Variants in ABCF1 observed in about 807,000 individuals in gnomAD.
The protein encoded by ABCF1 is ATP-binding cassette sub-family F member 1.
A neutral mutation model predicts 126.3 loss-of-function variants in ABCF1; 73 were observed. The ratio of observed to expected loss-of-function variants is 0.58; its 90% CI spans 0.48 to 0.70. ABCF1 has a LOEUF of 0.70. Among genes scored for constraint, ABCF1 ranks in the 30% least tolerant of loss-of-function variants. ABCF1 has a pLI of 0.00. For missense variants in ABCF1, 786 were observed against 1,057.5 expected (o/e 0.74, Z 3.56); for synonymous variants, 345 against 396.4 (o/e 0.87, Z 1.54).
intron 8 of ABCF1, among the ~76,000 whole-genome samples, chr6:30,581,277 C>T (rs911625115): frequency 6.6e-6 from 1 of 151,974 alleles, no homozygotes; most frequent in African/African-American, 2.4e-5. Flanking sequence ...TTGGGTCTCA[C>T]TTGTCTCCTT....
chr6:30,580,279 G>A, intron 7 of ABCF1, 127 bp from the exon 8 acceptor site: 1 of 764,010 alleles, frequency 1.3e-6, no homozygotes, highest in South Asian at 1.9e-5. Flanking sequence ...CCCGGGAGGT[G>A]GAGCTTGCAG....
At chr6:30,589,181 T>C (rs1010724457) in intron 20 of ABCF1, among the ~76,000 whole-genome samples, 2 of 152,212 alleles carry the variant, frequency 1.3e-5, no homozygotes, top group Admixed American at 6.5e-5. Flanking sequence ...GTATTTTTAG[T>C]AGAGACAGGG....
Position 30,574,969 on chromosome 6 carries a change from C to T in ABCF1, c.74-2440C>T, listed in dbSNP as rs994215743. Among the ~76,000 whole-genome samples the T allele has an allele frequency of 3.9e-5, 6 of 151,922 alleles. No individual in the cohort carries two copies. Among genetic ancestry groups the T allele is most frequent in the African/African-American group, 1.5e-4 (6 of 41,350 alleles). ...CTCTAGTTTTTTGGAGAAGTAGATGCACCATAAAACTTTCCTGAATAAATG... is the reference window on the plus strand; with the variant it reads ...CTCTAGTTTTTTGGAGAAGTAGATGTACCATAAAACTTTCCTGAATAAATG... On this transcript the variant is annotated intron_variant, in intron 1 of 24. Coordinates refer to ENST00000326195, the MANE Select transcript of ABCF1 (RefSeq NM_001025091.2). The surrounding 1 kb of genome is among the most constrained non-coding windows in gnomAD (Gnocchi z 4.3).
intron 14 of ABCF1, 100 bp from the exon 15 acceptor site, chr6:30,585,160 A>T (rs3130244): frequency 6.8e-6 from 7 of 1,025,066 alleles, no homozygotes; most frequent in East Asian, 2.4e-5. Context: ...CTTGGGAAGG[A>T]GTGTTCATGG....
At chr6:30,578,820 C>T (rs59861167) in intron 6 of ABCF1, among the ~76,000 whole-genome samples, 2 of 152,088 alleles carry the variant, frequency 1.3e-5, no homozygotes, top group East Asian at 3.9e-4. Flanking sequence ...ACCAACATGG[C>T]GAAACCTCAT....
chr6:30,579,901 G>T, intron 6 of ABCF1, 30 bp from the exon 7 acceptor site: 2 of 1,602,446 alleles, frequency 1.2e-6, no homozygotes, highest in Non-Finnish European at 1.7e-6. Flanking sequence ...TTGTATGTAT[G>T]TGTGTAATGT....
Position 30,584,595 on chromosome 6 carries a change from TC to T in ABCF1, c.1391+31del. 6.4e-7 allele frequency: 1 copy of T among 1,562,262 alleles called. No individual in the cohort carries two copies. Among genetic ancestry groups the T allele is most frequent in the Non-Finnish European group, 8.6e-7 (1 of 1,156,576 alleles). On this transcript the variant is annotated intron_variant, in intron 14 of 24. Transcript: ENST00000326195. This position sits in a 1 kb window ranked among gnomAD's most constrained non-coding sequence, Gnocchi z 4.6. ...GGCCATTCACCTCACTGCCCTCCCT[TC>T]CAGCCTCAGACCACCGGGGCCCTTT...
chr6:30,578,969 C>T (rs1389948024), intron 6 of ABCF1, among the ~76,000 whole-genome samples: 1 of 151,890 alleles, frequency 6.6e-6, no homozygotes, highest in Non-Finnish European at 1.5e-5. Context: ...CACTGCACTC[C>T]AGCCTGGGCA....
rs772111032 is a variant in ABCF1 at position 30,589,841 on chromosome 6, G to C, written c.2100G>C (p.Gln700His). 2 of 1,614,074 alleles carry C rather than the reference G, an allele frequency of 1.2e-6. No individual in the cohort carries two copies. Among genetic ancestry groups the C allele is most frequent in the Non-Finnish European group, 1.7e-6 (2 of 1,180,050 alleles). ...TCTTCAACCAGCAGTATGCAGAGCA[G>C]CTGCGCATGGAGGAGACGCCCACTG... The part of the protein sequence containing the change: ...IGFFNQQYAE[Q>H]LRMEETPTEY... The change falls in exon 22 of 25, where the codon CAG (glutamine) becomes CAC (histidine). Residue 700 changes from glutamine (Q) to histidine (H), a missense_variant. By Grantham distance (24) the Gln-to-His change is conservative. Around this residue, in one of 4 missense-constraint regions of ABCF1, gnomAD observed 288 missense variants for 423.5 expected, o/e 0.68. Coordinates refer to ENST00000326195, the MANE Select transcript of ABCF1 (RefSeq NM_001025091.2).
chr6:30,590,704 T>C lies in ABCF1; in HGVS notation c.*3T>C. Reference sequence around the variant, plus strand: ...TGGTCAGCCGGCCCCGAGAGTGAGCTTTCCTTCCCAGAAGTCTCCCGAGAG... The same window carrying C: ...TGGTCAGCCGGCCCCGAGAGTGAGCCTTCCTTCCCAGAAGTCTCCCGAGAG... On this transcript the variant is annotated 3_prime_UTR_variant, in exon 25 of 25. Transcript: ENST00000326195. The C allele has an allele frequency of 6.3e-7, 1 of 1,578,158 alleles. No individual in the cohort carries two copies. Among genetic ancestry groups the C allele is most frequent in the Non-Finnish European group, 8.6e-7 (1 of 1,162,242 alleles).
At chr6:30,572,165 TGAA>T (rs61256330) in intron 1 of ABCF1, among the ~76,000 whole-genome samples, 4,345 of 151,862 alleles carry the variant, frequency 0.029, 129 homozygotes, top group African/African-American at 0.075. Context: ...GAAAAAAACA[TGAA>T]GATATCCTCC....
Position 30,586,751 on chromosome 6 carries a change from G to A in ABCF1, c.2031+40G>A. The A allele has an allele frequency of 1.2e-6, 2 of 1,606,812 alleles. No individual in the cohort carries two copies. The highest frequency in any genetic ancestry group is 1.7e-6 in the Non-Finnish European group (2 of 1,174,290). Reference sequence around the variant, plus strand: ...CAAGGAGGGAGAGCATGAGAAATGTGAAGACACAGCTGCTTTTGCCAGAAG... The same window carrying A: ...CAAGGAGGGAGAGCATGAGAAATGTAAAGACACAGCTGCTTTTGCCAGAAG... On this transcript the variant is annotated intron_variant, in intron 20 of 24. Coordinates refer to ENST00000326195, the MANE Select transcript of ABCF1 (RefSeq NM_001025091.2). The surrounding 1 kb of genome is among the most constrained non-coding windows in gnomAD (Gnocchi z 4.9).
intron 9 of ABCF1, 149 bp downstream of exon 9, chr6:30,582,656 A>T (rs1801886753): frequency 1.1e-6 from 1 of 878,588 alleles, no homozygotes; most frequent in Non-Finnish European, 1.8e-6. Context: ...TGTGAACCTT[A>T]TCTCAATGTC....
Position 30,583,904 on chromosome 6 carries a change from G to A in ABCF1, c.1102+14G>A. On this transcript the variant is annotated intron_variant, in intron 12 of 24. Coordinates refer to ENST00000326195, the MANE Select transcript of ABCF1 (RefSeq NM_001025091.2). This position sits in a 1 kb window ranked among gnomAD's most constrained non-coding sequence, Gnocchi z 4.1. Reference sequence around the variant, plus strand: ...TGTGTGAGCAGGGTGAGACCACTGGGGAGAAAAGGGGCTTGGTGGGGTGGG... The same window carrying A: ...TGTGTGAGCAGGGTGAGACCACTGGAGAGAAAAGGGGCTTGGTGGGGTGGG... The A allele has an allele frequency of 1.2e-6, 2 of 1,612,602 alleles. No homozygotes were observed. The highest frequency in any genetic ancestry group is 1.1e-5 in the South Asian group (1 of 91,058).
In ABCF1 at chr6:30,583,252, C is replaced by G; in HGVS notation, c.915+64C>G. On this transcript the variant is annotated intron_variant, in intron 10 of 24. Transcript: ENST00000326195. This position sits in a 1 kb window ranked among gnomAD's most constrained non-coding sequence, Gnocchi z 4.1. ...GGGAAGAGCCAGTTCTCTCATCTTC[C>G]CTGAGTGGCTGTGGTGTGTGAATGG... The G allele has an allele frequency of 6.4e-6, 10 of 1,555,666 alleles. No homozygotes were observed. The highest frequency in any genetic ancestry group is 8.7e-6 in the Non-Finnish European group (10 of 1,144,286).
chr6:30,573,876 C>T (rs565285833), intron 1 of ABCF1, among the ~76,000 whole-genome samples: 5 of 152,218 alleles, frequency 3.3e-5, no homozygotes, highest in South Asian at 2.1e-4. Flanking sequence ...TTGTGAATTA[C>T]GATTTTGAGA....
rs1802413774 is a variant in ABCF1, at chr6:30,590,763, C to T, written c.*62C>T. On this transcript the variant is annotated 3_prime_UTR_variant, in exon 25 of 25. Transcript: ENST00000326195. Reference sequence around the variant, plus strand: ...GTGTGGCCTAGAAGTCCTCTGTGGTCTCCCCTCCTCTGAAGACTGCCTCTG... The same window carrying T: ...GTGTGGCCTAGAAGTCCTCTGTGGTTTCCCCTCCTCTGAAGACTGCCTCTG... 2.0e-6 allele frequency: 3 copies of T among 1,517,952 alleles called. No individual in the cohort carries two copies. The highest frequency in any genetic ancestry group is 2.7e-6 in the Non-Finnish European group (3 of 1,130,722). 94.0% of individuals were successfully genotyped at this position (1,517,952 alleles called of 1,614,324 possible). A position where few individuals can be genotyped will look rare whatever the true frequency, so the allele number is the denominator to read the frequency against.
intron 2 of ABCF1, 22 bp from the exon 3 acceptor site, chr6:30,577,796 T>C (rs1801581019): frequency 6.2e-7 from 1 of 1,611,842 alleles, no homozygotes. Context: ...CATGTTTACC[T>C]GTAGCTTAAC....
chr6:30,584,677 T>C lies in ABCF1; in HGVS notation c.1391+111T>C, dbSNP rs1039229049. ...AATAGGGAGGCTCAAGGCTTACCTC[T>C]CCCTCCTTACTATCTGTGTTGTGAG... is the stretch of plus-strand genomic sequence containing the variant. On this transcript the variant is annotated intron_variant, in intron 14 of 24. Coordinates refer to ENST00000326195, the MANE Select transcript of ABCF1 (RefSeq NM_001025091.2). This position sits in a 1 kb window ranked among gnomAD's most constrained non-coding sequence, Gnocchi z 4.6. 5 of 1,366,510 alleles carry C rather than the reference T, an allele frequency of 3.7e-6. No individual in the cohort carries two copies. Among genetic ancestry groups the C allele is most frequent in the Admixed American group, 2.4e-5 (1 of 42,488 alleles). 84.6% of individuals were successfully genotyped at this position (1,366,510 alleles called of 1,614,324 possible).
Sources: allele counts gnomAD v4.1 joint callset (sites outside exome capture counted in the v4.1 genomes callset), GRCh38; gene constraint gnomAD v4.1.1; regional missense constraint gnomAD v4.1.1; non-coding constraint Gnocchi (gnomAD v3.1); transcripts MANE v1.5; gene names NCBI Gene and HGNC (gene_info 2026-07-23, HGNC 2026-07-21).